Variants in SMARCD3 observed in about 807,000 individuals in gnomAD.
The protein encoded by SMARCD3 is SWI/SNF-related matrix-associated actin-dependent regulator of chromatin subfamily D member 3.
A neutral mutation model predicts 58.0 loss-of-function variants in SMARCD3; 14 were observed. The ratio of observed to expected loss-of-function variants is 0.24; its 90% CI spans 0.16 to 0.38. The LOEUF is 0.38. Ranked by LOEUF, SMARCD3 falls within the 10% of genes least tolerant of loss-of-function variation. The pLI, the probability that SMARCD3 is intolerant of heterozygous loss-of-function variation, is 1.00. For missense variants in SMARCD3, 408 were observed against 636.9 expected (o/e 0.64, Z 3.87); for synonymous variants, 253 against 253.8 (o/e 1.00, Z 0.03).
chr7:151,273,691 G>A (rs1319184361), intron 2 of SMARCD3, among the ~76,000 whole-genome samples: 2 of 152,242 alleles, frequency 1.3e-5, no homozygotes, highest in African/African-American at 2.4e-5. Flanking sequence ...TGACTTTCCT[G>A]CAGGTGGACT....
intron 2 of SMARCD3, among the ~76,000 whole-genome samples, chr7:151,255,375 G>C (rs376581151): frequency 3.9e-5 from 6 of 152,270 alleles, no homozygotes; most frequent in African/African-American, 1.4e-4. Flanking sequence ...CTGGCCTAAG[G>C]GTGGGTATGG....
chr7:151,242,444 C>T lies in SMARCD3; in HGVS notation c.579+37G>A. On this transcript the variant is annotated intron_variant, in intron 5 of 12. Coordinates refer to ENST00000262188, the MANE Select transcript of SMARCD3 (RefSeq NM_001003801.2). The surrounding 1 kb of genome is among the most constrained non-coding windows in gnomAD (Gnocchi z 4.7). ...CTGTTCTCAGTGCAGCCCATGCCCA[C>T]CCCAGGACACCTGGAGAGACCTGGG... 6.2e-7 allele frequency: 1 copy of T among 1,606,524 alleles called. No homozygotes were observed. Among genetic ancestry groups the T allele is most frequent in the South Asian group, 1.1e-5 (1 of 90,990 alleles).
At chr7:151,256,296 G>C (rs1803697331) in intron 2 of SMARCD3, among the ~76,000 whole-genome samples, 1 of 151,522 alleles carries the variant, frequency 6.6e-6, no homozygotes, top group Non-Finnish European at 1.5e-5. Context: ...TCGGCCTCCT[G>C]AATAGCTGGG....
Position 151,239,971 on chromosome 7 carries a change from G to T in SMARCD3, c.1173+141C>A. 9.9e-7 allele frequency: 1 copy of T among 1,010,840 alleles called. No homozygotes were observed. The highest frequency in any genetic ancestry group is 1.4e-6 in the Non-Finnish European group (1 of 705,668). 62.6% of individuals were successfully genotyped at this position (1,010,840 alleles called of 1,614,324 possible). A position where few individuals can be genotyped will look rare whatever the true frequency, so the allele number is the denominator to read the frequency against. On this transcript the variant is annotated intron_variant, in intron 10 of 12. Coordinates refer to ENST00000262188, the MANE Select transcript of SMARCD3 (RefSeq NM_001003801.2). The surrounding 1 kb of genome is among the most constrained non-coding windows in gnomAD (Gnocchi z 7.0). ...ATGGACGGGCCATGTGTGTCCCATT[G>T]GCCCAGAGTCTGGTCTCTTTTTTTT...
At chr7:151,252,440 T>TGG (rs139159274), upstream of SMARCD3, among the ~76,000 whole-genome samples, 38 of 149,412 alleles carry the variant, frequency 2.5e-4, no homozygotes, top group African/African-American at 8.7e-4. Flanking sequence ...TGTGTGTGTG[T>TGG]GAGAGAGAGA....
chr7:151,245,694 C>T lies in SMARCD3; in HGVS notation c.79-23G>A. On this transcript the variant is annotated intron_variant, in intron 1 of 12. Coordinates refer to ENST00000262188, the MANE Select transcript of SMARCD3 (RefSeq NM_001003801.2). This position sits in a 1 kb window ranked among gnomAD's most constrained non-coding sequence, Gnocchi z 6.2. ...GCGCTGGGGGTGGGCGGGGGTGAAGCAGAAACGGGCGCCCGTGGGTCAGAC... is the reference window on the plus strand; with the variant it reads ...GCGCTGGGGGTGGGCGGGGGTGAAGTAGAAACGGGCGCCCGTGGGTCAGAC... 4.4e-6 allele frequency: 3 copies of T among 689,382 alleles called. No individual in the cohort carries two copies. Among genetic ancestry groups the T allele is most frequent in the Non-Finnish European group, 6.1e-6 (3 of 492,976 alleles). The allele number at this position is 689,382 out of a possible 1,614,324, so 42.7% of individuals were successfully genotyped here. A position where few individuals can be genotyped will look rare whatever the true frequency, so the allele number is the denominator to read the frequency against.
In SMARCD3 at chr7:151,241,707, C is replaced by T; in HGVS notation, c.778-54G>A. ...CCAAAGGGAGAGAAAGGAAGGAGCCCAGGGCCAGGCCATTCAGGACTAGGG... is the reference window on the plus strand; with the variant it reads ...CCAAAGGGAGAGAAAGGAAGGAGCCTAGGGCCAGGCCATTCAGGACTAGGG... On this transcript the variant is annotated intron_variant, in intron 7 of 12. Coordinates refer to ENST00000262188, the MANE Select transcript of SMARCD3 (RefSeq NM_001003801.2). The surrounding 1 kb of genome is among the most constrained non-coding windows in gnomAD (Gnocchi z 5.3). 6.5e-7 allele frequency: 1 copy of T among 1,535,240 alleles called. No individual in the cohort carries two copies. The highest frequency in any genetic ancestry group is 1.2e-5 in the South Asian group (1 of 86,766).
At position 151,238,832 on chromosome 7, in the gene SMARCD3, G is replaced by A. The variant is rs112915285; in HGVS notation, c.*271C>T. ...CATGTCTTCTGCCAAACTGTTTTTAGGTCTAGGGAAAATTGAGTAAGGAGA... is the reference window on the plus strand; with the variant it reads ...CATGTCTTCTGCCAAACTGTTTTTAAGTCTAGGGAAAATTGAGTAAGGAGA... On this transcript the variant is annotated 3_prime_UTR_variant, in exon 13 of 13. Coordinates refer to ENST00000262188, the MANE Select transcript of SMARCD3 (RefSeq NM_001003801.2). 1 of 1,517,418 alleles carries A rather than the reference G, an allele frequency of 6.6e-7. No individual in the cohort carries two copies. Among genetic ancestry groups the A allele is most frequent in the Non-Finnish European group, 8.9e-7 (1 of 1,129,876 alleles). 94.0% of individuals were successfully genotyped at this position (1,517,418 alleles called of 1,614,324 possible). A position where few individuals can be genotyped will look rare whatever the true frequency, so the allele number is the denominator to read the frequency against.
chr7:151,245,597 CAT>C lies in SMARCD3; in HGVS notation c.151_152del (p.Met51GlyfsTer54). On this transcript the variant is annotated frameshift_variant, in exon 2 of 13. Coordinates refer to ENST00000262188, the MANE Select transcript of SMARCD3 (RefSeq NM_001003801.2). LOFTEE classifies it high-confidence loss of function. This position sits in a 1 kb window ranked among gnomAD's most constrained non-coding sequence, Gnocchi z 6.2. The part of the protein sequence containing the change: ...APMGPPGSPY[M>X]GSPAVRPGLA... ...GGCCGGGTCGCACGGCGGGGCTGCC[CAT>C]GTACGGGGAGCCCGGGGGGCCCATG... 8.5e-7 allele frequency: 1 copy of C among 1,171,914 alleles called. No individual in the cohort carries two copies. Among genetic ancestry groups the C allele is most frequent in the Non-Finnish European group, 1.1e-6 (1 of 934,056 alleles). 72.6% of individuals were successfully genotyped at this position (1,171,914 alleles called of 1,614,324 possible).
At chr7:151,254,998 G>A (rs1375219727) in intron 2 of SMARCD3, among the ~76,000 whole-genome samples, 1 of 152,202 alleles carries the variant, frequency 6.6e-6, no homozygotes, top group Non-Finnish European at 1.5e-5. Flanking sequence ...CCGTGGAAGT[G>A]CTGCGCGGAC....
Position 151,239,823 on chromosome 7 carries a change from G to A in SMARCD3, c.1174-77C>T. ...CGAGGGGAAAGGAAGCGGGTGGGAA[G>A]GGGAGGGAGAGGGGGTTTCTTCTGT... On this transcript the variant is annotated intron_variant, in intron 10 of 12. Transcript: ENST00000262188. This position sits in a 1 kb window ranked among gnomAD's most constrained non-coding sequence, Gnocchi z 7.0. 1.4e-6 allele frequency: 2 copies of A among 1,465,994 alleles called. No homozygotes were observed. Among genetic ancestry groups the A allele is most frequent in the Non-Finnish European group, 9.5e-7 (1 of 1,052,436 alleles). 90.8% of individuals were successfully genotyped at this position (1,465,994 alleles called of 1,614,324 possible). A position where few individuals can be genotyped will look rare whatever the true frequency, so the allele number is the denominator to read the frequency against.
intron 2 of SMARCD3, among the ~76,000 whole-genome samples, chr7:151,273,014 C>T (rs1795227381): frequency 6.6e-6 from 1 of 152,246 alleles, no homozygotes; most frequent in Non-Finnish European, 1.5e-5. Context: ...TGCAGTCACA[C>T]CGCCAGTTTT....
At chr7:151,257,173 G>T (rs1008182402) in intron 2 of SMARCD3, among the ~76,000 whole-genome samples, 1 of 152,152 alleles carries the variant, frequency 6.6e-6, no homozygotes, top group African/African-American at 2.4e-5. Flanking sequence ...TTTTAGGCGT[G>T]AGCCCCTGCA....
At chr7:151,261,462 C>G (rs1803915515) in intron 2 of SMARCD3, among the ~76,000 whole-genome samples, 1 of 152,198 alleles carries the variant, frequency 6.6e-6, no homozygotes, top group Non-Finnish European at 1.5e-5. Context: ...TGTTACCTGA[C>G]CTGTCTGAGC....
At chr7:151,267,055 A>C (rs1319732805) in intron 2 of SMARCD3, among the ~76,000 whole-genome samples, 1 of 152,174 alleles carries the variant, frequency 6.6e-6, no homozygotes. Flanking sequence ...TACAAACCGG[A>C]GTTCTGCTCC....
At chr7:151,269,683 G>A (rs781595434) in intron 2 of SMARCD3, among the ~76,000 whole-genome samples, 8 of 152,300 alleles carry the variant, frequency 5.3e-5, no homozygotes, top group Non-Finnish European at 7.4e-5. Context: ...GGGAGGCATC[G>A]GTGGCATTAG....
rs1340983070 is a variant in SMARCD3 at position 151,241,831 on chromosome 7, T to C, written c.777+46A>G. ...ACCACTTTGGGACCTAGCCCTGCCC[T>C]GAGGGCCTTGTGTGGCGTGTACGGG... On this transcript the variant is annotated intron_variant, in intron 7 of 12. Transcript: ENST00000262188. This position sits in a 1 kb window ranked among gnomAD's most constrained non-coding sequence, Gnocchi z 5.3. The C allele has an allele frequency of 6.5e-7, 1 of 1,534,284 alleles. No homozygotes were observed. The highest frequency in any genetic ancestry group is 8.9e-7 in the Non-Finnish European group (1 of 1,118,992).
In SMARCD3 at chr7:151,243,368, GC is replaced by G. The variant is rs1803093650; in HGVS notation, c.333+290del. The stretch of plus-strand genomic sequence containing the variant: ...GGCCACCTTCTATCCCCTTCATTCT[GC>G]CTGGCAGCTTCTGATCCCCTAGCTC... On this transcript the variant is annotated intron_variant, in intron 3 of 12. Transcript: ENST00000262188. This position sits in a 1 kb window ranked among gnomAD's most constrained non-coding sequence, Gnocchi z 4.4. 6.6e-6 allele frequency among the ~76,000 whole-genome samples: 1 copy of G among 152,008 alleles called. No homozygotes were observed. The highest frequency in any genetic ancestry group is 2.1e-4 in the South Asian group (1 of 4,826).
upstream of SMARCD3, among the ~76,000 whole-genome samples, chr7:151,252,181 CG>C (rs914001784): frequency 1.3e-5 from 2 of 152,012 alleles, no homozygotes; most frequent in Non-Finnish European, 2.9e-5. Flanking sequence ...GGACTCCGCT[CG>C]GGGGGCGCGG....
Sources: gnomAD v4.1 joint callset for allele counts (sites outside exome capture counted in the v4.1 genomes callset) on GRCh38, gnomAD v4.1.1 for gene constraint, Gnocchi (gnomAD v3.1) non-coding constraint, MANE v1.5 for transcripts, NCBI Gene and HGNC (gene_info 2026-07-23, HGNC 2026-07-21) for gene names.